Variants in DPP10 observed in about 807,000 individuals in gnomAD.
DPP10 encodes the protein dipeptidyl peptidase like 10, also known as inactive dipeptidyl peptidase 10.
In DPP10, 33 loss-of-function variants were observed where a neutral mutation model predicts 120.9. The ratio of observed to expected loss-of-function variants is 0.27; its 90% CI spans 0.21 to 0.37. DPP10 has a LOEUF of 0.37. Among genes scored for constraint, DPP10 ranks in the 10% least tolerant of loss-of-function variants. The pLI is 1.00. For synonymous variants in DPP10, 337 were observed against 326.1 expected (o/e 1.03, Z -0.36); for missense variants, 816 against 942.8 (o/e 0.87, Z 1.76).
intron 1 of DPP10, among the ~76,000 whole-genome samples, chr2:115,219,272 G>C (rs188257112): frequency 6.6e-6 from 1 of 152,060 alleles, no homozygotes; most frequent in South Asian, 2.1e-4. Context: ...CAAAATTCTC[G>C]AAAATGAACA....
intron 3 of DPP10, among the ~76,000 whole-genome samples, chr2:115,481,378 A>G (rs1056104779): frequency 6.6e-6 from 1 of 152,182 alleles, no homozygotes; most frequent in African/African-American, 2.4e-5. Context: ...GCTAAGTAGA[A>G]AGGCAAAAGA....
At chr2:114,745,334 CAAACAT>C (rs1210823439) in intron 1 of DPP10, among the ~76,000 whole-genome samples, 1 of 152,114 alleles carries the variant, frequency 6.6e-6, no homozygotes, top group Non-Finnish European at 1.5e-5. Flanking sequence ...GGTCACCACA[CAAACAT>C]ATGCAAACAA....
chr2:114,479,178 A>C (rs1680784779), intron 1 of DPP10, among the ~76,000 whole-genome samples: 1 of 152,190 alleles, frequency 6.6e-6, no homozygotes, highest in Admixed American at 6.5e-5. Context: ...GAAGCTCAAA[A>C]TAGGGAAGAT....
At chr2:115,782,546 C>T (rs1000700817) in intron 17 of DPP10, 147 bp downstream of exon 17, 10 of 683,494 alleles carry the variant, frequency 1.5e-5, no homozygotes, top group Non-Finnish European at 2.5e-5. Context: ...ATCAACTTGA[C>T]CTTATGTATG....
At chr2:114,620,143 G>A (rs1387225756) in intron 1 of DPP10, among the ~76,000 whole-genome samples, 1 of 151,798 alleles carries the variant, frequency 6.6e-6, no homozygotes, top group Non-Finnish European at 1.5e-5. Flanking sequence ...ATTATGTGTT[G>A]TTAATTTCTC....
chr2:114,478,789 ACAAT>A lies in DPP10; in HGVS notation c.60+35955_60+35958del, dbSNP rs145386771. Among the ~76,000 whole-genome samples the A allele has an allele frequency of 3.1e-3, 468 of 152,272 alleles. 3 individuals carry two copies. The highest frequency in any genetic ancestry group is 0.011 in the African/African-American group (456 of 41,572). ...TTTTTATACCAACTGTGAACATACAACAATCAAAATTTGAAATACCATGCAAGCT... is the reference window on the plus strand; with the variant it reads ...TTTTTATACCAACTGTGAACATACAACAAAATTTGAAATACCATGCAAGCT... On this transcript the variant is annotated intron_variant, in intron 1 of 25. Coordinates refer to ENST00000410059, the MANE Select transcript of DPP10 (RefSeq NM_020868.6).
intron 5 of DPP10, among the ~76,000 whole-genome samples, chr2:115,597,108 T>C (rs1465493082): frequency 6.6e-6 from 1 of 152,102 alleles, no homozygotes; most frequent in African/African-American, 2.4e-5. Context: ...ATTTGCACAT[T>C]GAATCCTGGG....
intron 1 of DPP10, among the ~76,000 whole-genome samples, chr2:114,473,970 T>G (rs774921273): frequency 6.6e-5 from 10 of 152,226 alleles, no homozygotes; most frequent in Non-Finnish European, 1.2e-4. Flanking sequence ...TCGTTGTTGT[T>G]TTTCTGAGAT....
At chr2:114,608,506 A>T (rs1693013493) in intron 1 of DPP10, among the ~76,000 whole-genome samples, 1 of 152,172 alleles carries the variant, frequency 6.6e-6, no homozygotes, top group African/African-American at 2.4e-5. Flanking sequence ...TATATGAATT[A>T]TCTCATTTGA....
At chr2:115,777,075 C>A in intron 13 of DPP10, 133 bp from the exon 14 acceptor site, 1 of 713,888 alleles carries the variant, frequency 1.4e-6, no homozygotes, top group Non-Finnish European at 2.4e-6. Context: ...CATTCTTGAG[C>A]TGTGGAACAG....
intron 1 of DPP10, among the ~76,000 whole-genome samples, chr2:114,647,891 C>G (rs1466299415): frequency 6.6e-6 from 1 of 151,800 alleles, no homozygotes; most frequent in Admixed American, 6.6e-5. Flanking sequence ...TTTGGGGGGT[C>G]CTGTCTGCTA....
intron 1 of DPP10, among the ~76,000 whole-genome samples, chr2:115,028,731 G>A (rs1703641493): frequency 6.6e-6 from 1 of 151,948 alleles, no homozygotes; most frequent in African/African-American, 2.4e-5. Context: ...TTGTACACAC[G>A]GATGCTCCTG....
intron 1 of DPP10, among the ~76,000 whole-genome samples, chr2:114,802,480 A>G (rs1375202596): frequency 2.6e-5 from 4 of 151,422 alleles, no homozygotes; most frequent in African/African-American, 9.7e-5. Flanking sequence ...GTAGGATTCT[A>G]TCCTCTTCCC....
chr2:115,330,119 T>A (rs1172124829), intron 2 of DPP10, among the ~76,000 whole-genome samples: 1 of 152,050 alleles, frequency 6.6e-6, no homozygotes, highest in African/African-American at 2.4e-5. Context: ...GACTTTTTAA[T>A]GATCGCCATT....
chr2:115,149,822 A>C (rs549385957), intron 1 of DPP10, among the ~76,000 whole-genome samples: 1 of 152,296 alleles, frequency 6.6e-6, no homozygotes, highest in African/African-American at 2.4e-5. Flanking sequence ...ACTTATACTA[A>C]AAAATTATTC....
intron 1 of DPP10, among the ~76,000 whole-genome samples, chr2:114,496,217 A>G (rs1682506880): frequency 6.6e-6 from 1 of 152,086 alleles, no homozygotes; most frequent in South Asian, 2.1e-4. Context: ...AAACCTGGAA[A>G]AGGTGCCTGT....
In DPP10 at chr2:115,294,424, T is replaced by G. The variant is rs2060793358; in HGVS notation, c.61-14815T>G. On this transcript the variant is annotated intron_variant, in intron 1 of 25. Transcript: ENST00000410059. ...GTACACAAGTAGGTAAATTTTTGTT[T>G]TTTGTTTTTGTTTTTTTTTGGATTA... Among the ~76,000 whole-genome samples the G allele has an allele frequency of 2.0e-5, 3 of 151,852 alleles. No homozygotes were observed. The South Asian group carries it at 6.2e-4, about 31-fold the overall frequency.
chr2:115,169,508 T>A (rs1365069615), intron 1 of DPP10, among the ~76,000 whole-genome samples: 1 of 152,092 alleles, frequency 6.6e-6, no homozygotes, highest in Non-Finnish European at 1.5e-5. Context: ...TTATAGGGCG[T>A]TAGATGAAAA....
chr2:114,629,322 T>C (rs778193964), intron 1 of DPP10, among the ~76,000 whole-genome samples: 126 of 152,186 alleles, frequency 8.3e-4, no homozygotes, highest in Non-Finnish European at 3.1e-4. Flanking sequence ...CTGGGACTTA[T>C]TGATTACAGA....
Sources: gnomAD v4.1 joint callset for allele counts (sites outside exome capture counted in the v4.1 genomes callset) on GRCh38, gnomAD v4.1.1 for gene constraint, MANE v1.5 for transcripts, NCBI Gene and HGNC (gene_info 2026-07-23, HGNC 2026-07-21) for gene names.